The following SETD4 variants were observed in gnomAD, a reference collection of about 807,000 sequenced individuals.
The protein encoded by SETD4 is SET domain containing 4, also known as SET domain-containing protein 4.
In SETD4, 46 loss-of-function variants were observed where a neutral mutation model predicts 58.3. The observed-to-expected ratio is 0.79, with a 90% confidence interval of 0.62 to 1.01. The LOEUF is 1.01. SETD4 is among the 50% of genes least tolerant of loss of function. The pLI is 0.00. For synonymous variants in SETD4, 190 were observed against 202.6 expected, an observed-to-expected ratio of 0.94 and a Z score of 0.53; for missense variants, 490 against 523.3, an observed-to-expected ratio of 0.94 and a Z score of 0.62.
intron 6 of SETD4, among the ~76,000 whole-genome samples, chr21:36,045,020 A>G (rs2064240554): frequency 6.6e-6 from 1 of 152,164 alleles, no homozygotes; most frequent in African/African-American, 2.4e-5. Context: ...TATTTCCCAG[A>G]ACCCTTTCCC....
chr21:36,041,081 A>G (rs1851834991), intron 8 of SETD4, among the ~76,000 whole-genome samples: 1 of 141,322 alleles, frequency 7.1e-6, no homozygotes, highest in Non-Finnish European at 1.5e-5. Flanking sequence ...AATGGCGTGA[A>G]CCCGGGAGGC....
At chr21:36,051,222 C>T in intron 4 of SETD4, 1 of 1,606,076 alleles carries the variant, frequency 6.2e-7, no homozygotes. Context: ...GCTGGGTCCC[C>T]CAGCCAGCAC....
chr21:36,036,283 A>T, intron 10 of SETD4, 32 bp from the exon 11 acceptor site: 1 of 1,523,374 alleles, frequency 6.6e-7, no homozygotes, highest in Non-Finnish European at 8.8e-7. Context: ...TTGTTATTGT[A>T]GTAAAACATA....
In SETD4 at chr21:36,035,480, C is replaced by T. The variant is rs533688484; in HGVS notation, c.*513G>A. 6.5e-6 allele frequency: 1 copy of T among 153,604 alleles called. No individual in the cohort carries two copies. The highest frequency in any genetic ancestry group is 6.4e-5 in the Admixed American group (1 of 15,574). The allele number at this position is 153,604 out of a possible 1,614,324, so 9.5% of individuals were successfully genotyped here. On this transcript the variant is annotated 3_prime_UTR_variant, in exon 12 of 12. Coordinates refer to ENST00000332131, the MANE Select transcript of SETD4 (RefSeq NM_017438.5). ...GCCACCTTGAGAGGCCAGGAGCATG[C>T]TTAGAGGACATTCCCTCCTCCTGGA...
rs750918820 is a variant in SETD4, at chr21:36,045,866, C to A, written c.442G>T (p.Val148Leu). 6.2e-7 allele frequency: 1 copy of A among 1,614,178 alleles called. No homozygotes were observed. The highest frequency in any genetic ancestry group is 8.5e-7 in the Non-Finnish European group (1 of 1,180,038). The change falls in exon 6 of 12, where the codon GTG (valine) becomes TTG (leucine). Residue 148 changes from valine (V) to leucine (L), a missense_variant. By Grantham distance (32) the Val-to-Leu change is conservative. Coordinates refer to ENST00000332131, the MANE Select transcript of SETD4 (RefSeq NM_017438.5). ...TCPVCLEPEV[V>L]NLLPKSLKAK... The stretch of plus-strand genomic sequence containing the variant: ...TTTAAAGATTTGGGAAGAAGGTTCA[C>A]CACTTCCGGCTCCAAACAAACAGGG...
chr21:36,047,834 CAAAAAAAA>C (rs34827028), intron 5 of SETD4, among the ~76,000 whole-genome samples: 933 of 70,910 alleles, frequency 0.013, 15 homozygotes, highest in African/African-American at 0.049. Flanking sequence ...ACTAAAAATA[CAAAAAAAA>C]AAAAAAAAAA....
chr21:36,060,110 G>A lies in SETD4; in HGVS notation c.-37+237C>T, dbSNP rs552882909. ...GCCAGCCAGGCGAGCATCGGACCTCGGGCCTCAGGCTCCTCAGCTTTACGC... is the reference window on the plus strand; with the variant it reads ...GCCAGCCAGGCGAGCATCGGACCTCAGGCCTCAGGCTCCTCAGCTTTACGC... On this transcript the variant is annotated intron_variant, in intron 1 of 11. Transcript: ENST00000332131. 6 of 985,618 alleles carry A rather than the reference G, an allele frequency of 6.1e-6. No individual in the cohort carries two copies. The African/African-American group carries it at 8.7e-5, about 14-fold the overall frequency. The allele number at this position is 985,618 out of a possible 1,614,324, so 61.1% of individuals were successfully genotyped here. A position where few individuals can be genotyped will look rare whatever the true frequency, so the allele number is the denominator to read the frequency against.
intron 5 of SETD4, 81 bp downstream of exon 5, chr21:36,048,227 G>GTCTGGGTTCTAA (rs2064448953): frequency 9.2e-7 from 1 of 1,085,016 alleles, no homozygotes; most frequent in East Asian, 2.4e-5. Flanking sequence ...CTAATGAATT[G>GTCTGGGTTCTAA]TGTCTCAAGT....
Position 36,052,592 on chromosome 21 carries a change from GA to G in SETD4, c.207+990del, listed in dbSNP as rs375733735. 3.3e-3 allele frequency among the ~76,000 whole-genome samples: 464 copies of G among 139,842 alleles called. 3 individuals are homozygous for G. The highest frequency in any genetic ancestry group is 0.011 in the African/African-American group (437 of 38,074). The allele number at this position is 139,842 out of a possible 152,430, so 91.7% of individuals were successfully genotyped here. A position where few individuals can be genotyped will look rare whatever the true frequency, so the allele number is the denominator to read the frequency against. ...AAAAAAAAAGGACGTTTTATCTACT[GA>G]AAAAAAAAAGATACCATTCCTTAGC... On this transcript the variant is annotated intron_variant, in intron 4 of 11. Transcript: ENST00000332131.
intron 5 of SETD4, among the ~76,000 whole-genome samples, 191 bp from the exon 6 acceptor site, chr21:36,046,202 A>T (rs1157418794): frequency 6.6e-6 from 1 of 152,228 alleles, no homozygotes; most frequent in Non-Finnish European, 1.5e-5. Context: ...CCCCAGTGCT[A>T]GTGCTCTGAA....
intron 4 of SETD4, chr21:36,053,370 T>A: frequency 1.7e-6 from 1 of 603,342 alleles, no homozygotes; most frequent in Non-Finnish European, 2.9e-6. Context: ...GAGAACAAAA[T>A]AAATTTCCAT....
intron 10 of SETD4, among the ~76,000 whole-genome samples, chr21:36,037,165 C>T (rs990861434): frequency 3.9e-5 from 6 of 152,144 alleles, no homozygotes; most frequent in African/African-American, 1.4e-4. Flanking sequence ...TTGCTAAGTG[C>T]AGATTTTAAG....
intron 6 of SETD4, among the ~76,000 whole-genome samples, chr21:36,044,745 C>T (rs536554856): frequency 2.0e-5 from 3 of 152,346 alleles, no homozygotes; most frequent in East Asian, 3.9e-4. Flanking sequence ...AAGCTTAGCA[C>T]GTGGGCTCAC....
chr21:36,049,843 A>G (rs1257414666), intron 4 of SETD4, among the ~76,000 whole-genome samples: 1 of 152,248 alleles, frequency 6.6e-6, no homozygotes, highest in Non-Finnish European at 1.5e-5. Context: ...TTATTTCATG[A>G]CCTAAACAAA....
chr21:36,046,039 G>A (rs1255350981), intron 5 of SETD4, 28 bp from the exon 6 acceptor site: 2 of 1,591,812 alleles, frequency 1.3e-6, no homozygotes, highest in East Asian at 2.2e-5. Flanking sequence ...CAGTTTAAAG[G>A]AATTACTTTG....
chr21:36,037,608 A>AT (rs2123505084), intron 10 of SETD4, among the ~76,000 whole-genome samples: 1 of 150,886 alleles, frequency 6.6e-6, no homozygotes, highest in Admixed American at 6.6e-5. Context: ...CTGTCTCAAA[A>AT]AAAAAAAAAA....
In SETD4 at chr21:36,045,624, G is replaced by A. The variant is rs145056271; in HGVS notation, c.684C>T (p.Leu228=). 1.3e-4 allele frequency: 212 copies of A among 1,613,988 alleles called. No homozygotes were observed. Among genetic ancestry groups the A allele is most frequent in the Non-Finnish European group, 1.7e-4 (203 of 1,180,016 alleles). ...GATTCAGCAGGTCCAGGTACGGAGC[G>A]AGTGCACAGGTGTCCGGCTCTGCAG... ...CLSAEPDTCA[L]APYLDLLNHS... is the part of the protein sequence containing the mutation. The change falls in exon 6 of 12, where the codon CTC becomes CTT. Residue 228 remains leucine (L), a synonymous_variant. Transcript: ENST00000332131.
At position 36,043,909 on chromosome 21, in the gene SETD4, C is replaced by T. The variant is rs372995455; in HGVS notation, c.774G>A (p.Thr258=). ...CTTCATGCTTTCTCCAACGTGAAGT[C>T]GTTCTAATTTCGTAAGAATGAGTTT... ...NEETHSYEIR[T]TSRWRKHEEV... is the part of the protein sequence containing the mutation. The change falls in exon 7 of 12, where the codon ACG becomes ACA. Residue 258 remains threonine (T), a synonymous_variant. Coordinates refer to ENST00000332131, the MANE Select transcript of SETD4 (RefSeq NM_017438.5). 6.8e-6 allele frequency: 11 copies of T among 1,614,058 alleles called. No individual in the cohort carries two copies. The highest frequency in any genetic ancestry group is 2.7e-5 in the African/African-American group (2 of 74,920).
chr21:36,045,207 A>G (rs570002851), intron 6 of SETD4, among the ~76,000 whole-genome samples: 1 of 152,334 alleles, frequency 6.6e-6, no homozygotes, highest in African/African-American at 2.4e-5. Flanking sequence ...AAATGCTGTG[A>G]CAGCTACAAC....
Sources: allele counts gnomAD v4.1 joint callset (sites outside exome capture counted in the v4.1 genomes callset), GRCh38; gene constraint gnomAD v4.1.1; transcripts MANE v1.5; gene names NCBI Gene and HGNC (gene_info 2026-07-23, HGNC 2026-07-21).